MRPS33: variants seen among roughly 807,000 people sequenced by gnomAD.
The protein encoded by MRPS33 is small ribosomal subunit protein mS33.
Under a neutral mutation model 11.2 loss-of-function variants are expected in MRPS33, and 11 were observed. The ratio of observed to expected loss-of-function variants is 0.99; its 90% CI spans 0.62 to 1.63. MRPS33 has a LOEUF of 1.63. Ranked by LOEUF, MRPS33 falls within the 40% of genes most tolerant of loss-of-function variation. The pLI, the probability that MRPS33 is intolerant of heterozygous loss-of-function variation, is 0.00. For synonymous variants in MRPS33, 46 were observed against 44.0 expected (o/e 1.05, Z -0.18); for missense variants, 109 against 127.8 (o/e 0.85, Z 0.71).
chr7:141,002,663 A>T lies in MRPS33; in HGVS notation c.*3767T>A. ...TGGAAAATGATTTATAAATACAAGC[A>T]TTATGGTTATATATGTTTAAATATA... is the stretch of plus-strand genomic sequence containing the variant. On this transcript the variant is annotated 3_prime_UTR_variant, in exon 3 of 3. Coordinates refer to ENST00000324787, the MANE Select transcript of MRPS33 (RefSeq NM_053035.3). 2 of 255,384 alleles carry T rather than the reference A, an allele frequency of 7.8e-6. No homozygotes were observed. Among genetic ancestry groups the T allele is most frequent in the Non-Finnish European group, 1.6e-5 (2 of 128,706 alleles). 15.8% of individuals were successfully genotyped at this position (255,384 alleles called of 1,614,324 possible).
chr7:141,008,563 C>T (rs920601404), intron 2 of MRPS33, among the ~76,000 whole-genome samples: 2 of 152,134 alleles, frequency 1.3e-5, no homozygotes, highest in African/African-American at 4.8e-5. Flanking sequence ...AAGAAATATC[C>T]ACTGGATAGT....
intron 2 of MRPS33, among the ~76,000 whole-genome samples, chr7:141,008,533 C>A (rs1298480971): frequency 6.6e-6 from 1 of 152,144 alleles, no homozygotes; most frequent in Admixed American, 6.5e-5. Flanking sequence ...ATCTTAAGTG[C>A]CTGCACGTGG....
chr7:141,008,737 A>G (rs1416024034), intron 2 of MRPS33, among the ~76,000 whole-genome samples: 1 of 152,166 alleles, frequency 6.6e-6, no homozygotes, highest in East Asian at 1.9e-4. Context: ...TTAACTTTAT[A>G]CAATTATGTA....
At chr7:141,006,778 G>A (rs963117106) in intron 2 of MRPS33, among the ~76,000 whole-genome samples, 5 of 152,130 alleles carry the variant, frequency 3.3e-5, no homozygotes, top group African/African-American at 7.2e-5. Flanking sequence ...AAGCTGCAGG[G>A]AAATTCCCAG....
At chr7:141,011,410 G>C (rs1267600444) in intron 1 of MRPS33, among the ~76,000 whole-genome samples, 1 of 152,178 alleles carries the variant, frequency 6.6e-6, no homozygotes, top group African/African-American at 2.4e-5. Flanking sequence ...GCTGGAAACA[G>C]TAGCTTTTTC....
chr7:141,011,573 G>A (rs1820674793), intron 1 of MRPS33, among the ~76,000 whole-genome samples: 2 of 152,128 alleles, frequency 1.3e-5, no homozygotes, highest in Admixed American at 6.6e-5. Flanking sequence ...TAGACCAGAC[G>A]TAGGGGTTAT....
intron 1 of MRPS33, among the ~76,000 whole-genome samples, chr7:141,012,192 A>AAAAAAAAAAAAG (rs1465577337): frequency 6.7e-6 from 1 of 148,512 alleles, no homozygotes; most frequent in South Asian, 2.1e-4. Context: ...AAAAAAAAAA[A>AAAAAAAAAAAAG]AAGCAGAGGC....
At chr7:141,014,181 G>C (rs1366407879) in intron 1 of MRPS33, among the ~76,000 whole-genome samples, 3 of 152,202 alleles carry the variant, frequency 2.0e-5, no homozygotes, top group Admixed American at 6.5e-5. Flanking sequence ...CACGAGGACA[G>C]TCATACTATC....
chr7:141,014,369 CAT>C (rs1213534659), intron 1 of MRPS33: 2 of 152,182 alleles, frequency 1.3e-5, no homozygotes, highest in African/African-American at 4.8e-5. Flanking sequence ...TTTACGGAGT[CAT>C]AGAGGCATCA....
chr7:141,014,298 T>C (rs1047109231), intron 1 of MRPS33: 7 of 151,998 alleles, frequency 4.6e-5, no homozygotes, highest in Admixed American at 4.6e-4. Flanking sequence ...ATAGAAACAA[T>C]CTAAACATAA....
At chr7:141,009,484 A>G (rs1820619850) in intron 2 of MRPS33, among the ~76,000 whole-genome samples, 1 of 151,990 alleles carries the variant, frequency 6.6e-6, no homozygotes, top group Non-Finnish European at 1.5e-5. Flanking sequence ...CCTACTCCCT[A>G]GACATACACA....
intron 2 of MRPS33, among the ~76,000 whole-genome samples, chr7:141,006,751 C>A (rs1820541776): frequency 6.6e-6 from 1 of 152,182 alleles, no homozygotes; most frequent in Non-Finnish European, 1.5e-5. Flanking sequence ...CGTTTCCCCT[C>A]ACAGAAACAC....
intron 1 of MRPS33, among the ~76,000 whole-genome samples, chr7:141,011,912 C>T (rs1026441675): frequency 2.6e-5 from 4 of 151,632 alleles, no homozygotes; most frequent in African/African-American, 9.7e-5. Context: ...CTTTGAGAGG[C>T]TGAGGTGGGA....
At chr7:141,008,503 A>G (rs1274149240) in intron 2 of MRPS33, among the ~76,000 whole-genome samples, 2 of 152,218 alleles carry the variant, frequency 1.3e-5, no homozygotes, top group Non-Finnish European at 2.9e-5. Context: ...TATTATGTTC[A>G]CTGCTGTTCC....
intron 2 of MRPS33, among the ~76,000 whole-genome samples, chr7:141,007,934 T>G (rs1401436922): frequency 6.6e-6 from 1 of 152,188 alleles, no homozygotes; most frequent in Non-Finnish European, 1.5e-5. Context: ...TTCCCCCTCT[T>G]CTGTCCCTCC....
intron 2 of MRPS33, among the ~76,000 whole-genome samples, chr7:141,007,857 C>T (rs1218251238): frequency 1.3e-5 from 2 of 152,164 alleles, no homozygotes; most frequent in Non-Finnish European, 2.9e-5. Flanking sequence ...CCTGCTCAGC[C>T]GGCTCTACTA....
rs1418191330 is a variant in MRPS33 at position 141,004,982 on chromosome 7, C to T, written c.*1448G>A. 9 of 152,188 alleles carry T rather than the reference C, an allele frequency of 5.9e-5. No homozygotes were observed. Among genetic ancestry groups the T allele is most frequent in the East Asian group, 1.9e-4 (1 of 5,184 alleles). The allele number at this position is 152,188 out of a possible 1,614,324, so 9.4% of individuals were successfully genotyped here. A position where few individuals can be genotyped will look rare whatever the true frequency, so the allele number is the denominator to read the frequency against. On this transcript the variant is annotated 3_prime_UTR_variant, in exon 3 of 3. Transcript: ENST00000324787. ...CAGGATGGTCTCGATCCCCTGACCT[C>T]GTGATCCACCCGCCTCGACCTCCCA...
At position 141,005,362 on chromosome 7, in the gene MRPS33, A is replaced by G. The variant is rs38732; in HGVS notation, c.*1068T>C. The G allele has an allele frequency of 6.7e-6, 1 of 149,200 alleles. No homozygotes were observed. The highest frequency in any genetic ancestry group is 1.5e-5 in the Non-Finnish European group (1 of 67,102). 9.2% of individuals were successfully genotyped at this position (149,200 alleles called of 1,614,324 possible). ...TTCTTCAAGGTTCAGCTTAAATATCATTTTTTTTTTGAGATGTAGTCTTGC... is the reference window on the plus strand; with the variant it reads ...TTCTTCAAGGTTCAGCTTAAATATCGTTTTTTTTTTGAGATGTAGTCTTGC... On this transcript the variant is annotated 3_prime_UTR_variant, in exon 3 of 3. Transcript: ENST00000324787.
intron 2 of MRPS33, among the ~76,000 whole-genome samples, chr7:141,009,271 A>G (rs1218466739): frequency 6.6e-6 from 1 of 151,230 alleles, no homozygotes; most frequent in Non-Finnish European, 1.5e-5. Context: ...AGCTGGAATT[A>G]CAGGCGTGTG....
Sources: allele counts gnomAD v4.1 joint callset (sites outside exome capture counted in the v4.1 genomes callset), GRCh38; gene constraint gnomAD v4.1.1; transcripts MANE v1.5; gene names NCBI Gene and HGNC (gene_info 2026-07-23, HGNC 2026-07-21).